TMEM9B: variants seen among roughly 807,000 people sequenced by gnomAD.
TMEM9B encodes transmembrane protein 9B.
Under a neutral mutation model 23.5 loss-of-function variants are expected in TMEM9B, and 8 were observed. That is an observed-to-expected ratio of 0.34 (90% CI 0.20 to 0.61). The LOEUF (loss-of-function observed/expected upper bound fraction) is 0.61, where lower values mean the gene tolerates loss of function less well. Among genes scored for constraint, TMEM9B ranks in the 20% least tolerant of loss-of-function variants. The pLI, the probability that TMEM9B is intolerant of heterozygous loss-of-function variation, is 0.78. For synonymous variants in TMEM9B, 106 were observed against 96.3 expected, an observed-to-expected ratio of 1.10 and a Z score of -0.59; for missense variants, 197 against 252.3, an observed-to-expected ratio of 0.78 and a Z score of 1.49.
Position 8,964,306 on chromosome 11 carries a change from G to C in TMEM9B, c.8C>G (p.Thr3Ser). Reference sequence around the variant, plus strand: ...AAGCCGAAGAAGGCCTCCCCACAGGGTCGCCATCGCTGGGGGCCCAGCGGT... The same window carrying C: ...AAGCCGAAGAAGGCCTCCCCACAGGCTCGCCATCGCTGGGGGCCCAGCGGT... The part of the protein sequence containing the change: MA[T>S]LWGGLLRLGS... The change falls in exon 1 of 5, where the codon ACC becomes AGC. Residue 3 changes from threonine to serine, a missense_variant. Coordinates refer to ENST00000534025, the MANE Select transcript of TMEM9B (RefSeq NM_020644.3). The C allele has an allele frequency of 6.3e-7, 1 of 1,576,668 alleles. No homozygotes were observed. The highest frequency in any genetic ancestry group is 1.7e-4 in the Middle Eastern group (1 of 5,882).
intron 4 of TMEM9B, among the ~76,000 whole-genome samples, chr11:8,952,319 C>CAT (rs1555228022): frequency 1.3e-5 from 2 of 148,762 alleles, no homozygotes; most frequent in African/African-American, 5.0e-5. Context: ...AATGTACACA[C>CAT]GTGTGTGTGT....
chr11:8,948,048 A>G lies in TMEM9B; in HGVS notation c.*272T>C, dbSNP rs1220710337. 3.5e-6 allele frequency: 1 copy of G among 285,114 alleles called. No homozygotes were observed. Among genetic ancestry groups the G allele is most frequent in the African/African-American group, 2.2e-5 (1 of 46,052 alleles). The allele number at this position is 285,114 out of a possible 1,614,324, so 17.7% of individuals were successfully genotyped here. ...GTGCTTGTTCCAGGTAAAGGACTTCAAGATAATTTACAGGCAGATTTATTT... is the reference window on the plus strand; with the variant it reads ...GTGCTTGTTCCAGGTAAAGGACTTCGAGATAATTTACAGGCAGATTTATTT... On this transcript the variant is annotated 3_prime_UTR_variant, in exon 5 of 5. Coordinates refer to ENST00000534025, the MANE Select transcript of TMEM9B (RefSeq NM_020644.3).
At chr11:8,963,761 G>C (rs1488235899) in intron 1 of TMEM9B, among the ~76,000 whole-genome samples, 1 of 152,180 alleles carries the variant, frequency 6.6e-6, no homozygotes, top group Non-Finnish European at 1.5e-5. Flanking sequence ...GACAGGGAAG[G>C]CTCTGTCAGA....
chr11:8,952,421 CT>C (rs1555228039), intron 4 of TMEM9B, among the ~76,000 whole-genome samples: 1 of 145,752 alleles, frequency 6.9e-6, no homozygotes, highest in African/African-American at 2.5e-5. Context: ...TTTTTTTTTT[CT>C]TTTTTTTTAA....
chr11:8,954,118 A>C (rs1853930977), intron 3 of TMEM9B, among the ~76,000 whole-genome samples: 1 of 152,226 alleles, frequency 6.6e-6, no homozygotes, highest in South Asian at 2.1e-4. Context: ...AAACATCAAA[A>C]ACATTGTGCT....
At chr11:8,964,674 A>G (rs1402361447), upstream of TMEM9B, 4 of 248,292 alleles carry the variant, frequency 1.6e-5, no homozygotes, top group East Asian at 1.2e-4. Context: ...GGGAGTCGCC[A>G]TTGCGCTGGA....
intron 2 of TMEM9B, among the ~76,000 whole-genome samples, chr11:8,958,849 G>A (rs1190653245): frequency 6.6e-6 from 1 of 152,146 alleles, no homozygotes; most frequent in African/African-American, 2.4e-5. Context: ...GGCATTACAG[G>A]CATGAGTCAC....
In TMEM9B at chr11:8,964,363, C is replaced by CGGCTCGGGCTCAGGCTCGGGCTCA; in HGVS notation, c.-51_-50insTGAGCCCGAGCCTGAGCCCGAGCC. 6.7e-7 allele frequency: 1 copy of CGGCTCGGGCTCAGGCTCGGGCTCA among 1,492,238 alleles called. No individual in the cohort carries two copies. The allele number at this position is 1,492,238 out of a possible 1,614,324, so 92.4% of individuals were successfully genotyped here. On this transcript the variant is annotated 5_prime_UTR_variant, in exon 1 of 5. Coordinates refer to ENST00000534025, the MANE Select transcript of TMEM9B (RefSeq NM_020644.3). ...GCCCGGAGCCCCCGCGACCGGCTCC[C>CGGCTCGGGCTCAGGCTCGGGCTCA]GGCTCGGGCTCAGGCTCAGGCTCAG...
At chr11:8,956,166 T>A in intron 3 of TMEM9B, 24 bp downstream of exon 3, 1 of 1,596,068 alleles carries the variant, frequency 6.3e-7, no homozygotes, top group Non-Finnish European at 8.6e-7. Context: ...GACAGACAGG[T>A]AGATAGAGGG....
At chr11:8,952,983 T>C (rs1853911489) in intron 4 of TMEM9B, 1 of 634,798 alleles carries the variant, frequency 1.6e-6, no homozygotes, top group Admixed American at 2.5e-5. Flanking sequence ...CTGTATAGCA[T>C]GCTCACCAAA....
Position 8,953,222 on chromosome 11 carries a change from T to A in TMEM9B, c.422A>T (p.Gln141Leu). 6.2e-7 allele frequency: 1 copy of A among 1,614,188 alleles called. No individual in the cohort carries two copies. Among genetic ancestry groups the A allele is most frequent in the Non-Finnish European group, 8.5e-7 (1 of 1,180,040 alleles). ...ACTTACCCCAATATCATCATCACTCTGTATCAACTGTGCATGTCCAAAGAG... is the reference window on the plus strand; with the variant it reads ...ACTTACCCCAATATCATCATCACTCAGTATCAACTGTGCATGTCCAAAGAG... ...RRLFGHAQLIQSDDDIGDHQP... is the reference protein window; with the variant it reads ...RRLFGHAQLILSDDDIGDHQP... The change falls in exon 4 of 5, where the codon CAG (glutamine) becomes CTG (leucine). Residue 141 changes from glutamine to leucine, a missense_variant. Coordinates refer to ENST00000534025, the MANE Select transcript of TMEM9B (RefSeq NM_020644.3).
intron 4 of TMEM9B, among the ~76,000 whole-genome samples, chr11:8,952,060 A>G (rs1853886474): frequency 6.6e-6 from 1 of 152,082 alleles, no homozygotes; most frequent in African/African-American, 2.4e-5. Context: ...AGTGAGCCAA[A>G]GTCACGCCAC....
At chr11:8,954,210 G>A (rs1853932876) in intron 3 of TMEM9B, among the ~76,000 whole-genome samples, 1 of 152,176 alleles carries the variant, frequency 6.6e-6, no homozygotes, top group Non-Finnish European at 1.5e-5. Context: ...GAGACAGAAA[G>A]TAGACTAGTG....
chr11:8,963,679 T>C (rs1854120897), intron 1 of TMEM9B, among the ~76,000 whole-genome samples: 1 of 152,126 alleles, frequency 6.6e-6, no homozygotes. Flanking sequence ...GGGAGGGAAG[T>C]AGGCCAGGAG....
intron 4 of TMEM9B, 92 bp from the exon 5 acceptor site, chr11:8,948,567 G>A: frequency 7.0e-7 from 1 of 1,437,602 alleles, no homozygotes; most frequent in South Asian, 1.4e-5. Flanking sequence ...AGAAATAGGG[G>A]TAGGTGGACT....
At chr11:8,958,786 G>A (rs1448125809) in intron 2 of TMEM9B, among the ~76,000 whole-genome samples, 1 of 151,910 alleles carries the variant, frequency 6.6e-6, no homozygotes, top group African/African-American at 2.4e-5. Context: ...GGTCAGGCTG[G>A]TCTCAAACTC....
intron 4 of TMEM9B, among the ~76,000 whole-genome samples, chr11:8,951,230 A>T (rs1853868802): frequency 6.6e-6 from 1 of 152,212 alleles, no homozygotes; most frequent in Non-Finnish European, 1.5e-5. Context: ...TTAACGCTGT[A>T]AAGGAAGGAT....
intron 4 of TMEM9B, among the ~76,000 whole-genome samples, chr11:8,950,574 T>G (rs912365246): frequency 1.3e-5 from 2 of 152,212 alleles, no homozygotes; most frequent in African/African-American, 2.4e-5. Flanking sequence ...CTGCTCTCTA[T>G]CCATCAGAAC....
intron 4 of TMEM9B, among the ~76,000 whole-genome samples, chr11:8,950,099 CT>C (rs1853847536): frequency 6.9e-6 from 1 of 145,876 alleles, no homozygotes; most frequent in Admixed American, 6.9e-5. Flanking sequence ...TTTCATGAGG[CT>C]TAAAATGTTT....
Sources: allele counts gnomAD v4.1 joint callset (sites outside exome capture counted in the v4.1 genomes callset), GRCh38; gene constraint gnomAD v4.1.1; transcripts MANE v1.5; gene names NCBI Gene and HGNC (gene_info 2026-07-23, HGNC 2026-07-21).